TBC1D5: variants seen among roughly 807,000 people sequenced by gnomAD.
TBC1D5 encodes the protein TBC1 domain family member 5, also known as TBC1 domain family, member 5.
In TBC1D5, 75 loss-of-function variants were observed where a neutral mutation model predicts 100.3. The ratio of observed to expected loss-of-function variants is 0.75; its 90% CI spans 0.62 to 0.91. The LOEUF (loss-of-function observed/expected upper bound fraction) is 0.91, where lower values mean the gene tolerates loss of function less well. Ranked by LOEUF, TBC1D5 falls within the 40% of genes least tolerant of loss-of-function variation. TBC1D5 has a pLI of 0.00. For missense variants in TBC1D5, 910 were observed against 942.4 expected (o/e 0.97, Z 0.45); for synonymous variants, 323 against 325.6 (o/e 0.99, Z 0.09).
chr3:17,395,960 TTTATC>T (rs1203944329), intron 8 of TBC1D5, among the ~76,000 whole-genome samples: 1 of 152,100 alleles, frequency 6.6e-6, no homozygotes, highest in East Asian at 1.9e-4. Context: ...TTATTTTGCT[TTTATC>T]TTAAGTGTCA....
At chr3:17,340,501 T>C (rs1303552488) in intron 13 of TBC1D5, among the ~76,000 whole-genome samples, 2 of 152,158 alleles carry the variant, frequency 1.3e-5, no homozygotes, top group Admixed American at 6.5e-5. Flanking sequence ...CTGAGTGAGA[T>C]GTAAGATTTC....
chr3:17,452,820 C>G (rs2094958312), intron 3 of TBC1D5, among the ~76,000 whole-genome samples: 1 of 151,970 alleles, frequency 6.6e-6, no homozygotes, highest in Non-Finnish European at 1.5e-5. Context: ...ATGGACTCAA[C>G]AGATATTTAC....
intron 3 of TBC1D5, among the ~76,000 whole-genome samples, chr3:17,489,381 G>A (rs2095610349): frequency 6.6e-6 from 1 of 152,134 alleles, no homozygotes; most frequent in Admixed American, 6.5e-5. Context: ...GTGAGGGATT[G>A]TTCCATAAAC....
intron 15 of TBC1D5, among the ~76,000 whole-genome samples, chr3:17,258,952 TA>T (rs2078013754): frequency 6.6e-6 from 1 of 152,172 alleles, no homozygotes; most frequent in South Asian, 2.1e-4. Context: ...TGGAGAGACA[TA>T]AGGTGTCAAG....
At chr3:17,418,264 G>A (rs745860619) in intron 4 of TBC1D5, among the ~76,000 whole-genome samples, 21 of 152,122 alleles carry the variant, frequency 1.4e-4, no homozygotes, top group Non-Finnish European at 2.1e-4. Flanking sequence ...AATTTTGTGT[G>A]ATTTAAAGAT....
chr3:17,197,534 G>A (rs1477476547), intron 18 of TBC1D5, among the ~76,000 whole-genome samples: 1 of 152,072 alleles, frequency 6.6e-6, no homozygotes, highest in Non-Finnish European at 1.5e-5. Flanking sequence ...GTGCCACCAA[G>A]CCCAGCTAAT....
chr3:17,403,124 GA>G (rs2093687070), intron 8 of TBC1D5, 56 bp downstream of exon 8: 2 of 1,413,224 alleles, frequency 1.4e-6, no homozygotes, highest in Admixed American at 2.4e-5. Flanking sequence ...GTTAAAATTA[GA>G]AAGAGATAAC....
intron 15 of TBC1D5, among the ~76,000 whole-genome samples, chr3:17,268,187 A>C (rs370264451): frequency 2.8e-4 from 42 of 152,202 alleles, no homozygotes; most frequent in African/African-American, 9.4e-4. Context: ...AAAGAACACT[A>C]ATCTTAGATG....
chr3:17,448,160 A>G (rs185066854), intron 3 of TBC1D5, among the ~76,000 whole-genome samples: 89 of 152,278 alleles, frequency 5.8e-4, no homozygotes, highest in African/African-American at 2.1e-3. Context: ...CTCCTCATTC[A>G]TTACAGTTTT....
At chr3:17,185,300 A>C (rs2068905877) in intron 18 of TBC1D5, 92 bp from the exon 20 acceptor site, 1 of 979,278 alleles carries the variant, frequency 1.0e-6, no homozygotes, top group Admixed American at 2.4e-5. Context: ...AGTTTAAAGA[A>C]GCATGATACC....
intron 2 of TBC1D5, chr3:17,575,326 AT>A (rs1371149658): frequency 2.0e-5 from 3 of 151,774 alleles, no homozygotes; most frequent in African/African-American, 4.8e-5. Flanking sequence ...AAAAAAAAAA[AT>A]AAAATAAAAA....
chr3:17,664,015 A>G (rs1203358741), intron 1 of TBC1D5, among the ~76,000 whole-genome samples: 1 of 152,216 alleles, frequency 6.6e-6, no homozygotes. Context: ...GAATAAATGG[A>G]AAAATGCATT....
At chr3:17,165,762 T>A (rs559103945) in intron 21 of TBC1D5, among the ~76,000 whole-genome samples, 2 of 152,366 alleles carry the variant, frequency 1.3e-5, no homozygotes, top group East Asian at 1.9e-4. Flanking sequence ...AAGCTGATTT[T>A]AAAAATATTA....
chr3:17,454,540 AG>A (rs1462991541), intron 3 of TBC1D5, among the ~76,000 whole-genome samples: 1 of 151,896 alleles, frequency 6.6e-6, no homozygotes, highest in African/African-American at 2.4e-5. Context: ...GCTCACTGCA[AG>A]CTCCGCCTCC....
intron 1 of TBC1D5, among the ~76,000 whole-genome samples, chr3:17,625,290 TAAAGA>T (rs2062960660): frequency 1.3e-5 from 2 of 152,050 alleles, no homozygotes; most frequent in Non-Finnish European, 1.5e-5. Context: ...ACACTTTGAC[TAAAGA>T]AAATATACAT....
chr3:17,625,394 T>TA (rs1343460363), intron 1 of TBC1D5, among the ~76,000 whole-genome samples: 4 of 152,080 alleles, frequency 2.6e-5, no homozygotes, highest in African/African-American at 7.2e-5. Flanking sequence ...CACTGCCTGT[T>TA]ATTCTTACCA....
intron 18 of TBC1D5, among the ~76,000 whole-genome samples, chr3:17,200,146 C>G (rs550314759): frequency 6.6e-6 from 1 of 152,234 alleles, no homozygotes; most frequent in African/African-American, 2.4e-5. Context: ...CCAATTTGTT[C>G]TTGGCTTATT....
intron 3 of TBC1D5, among the ~76,000 whole-genome samples, chr3:17,502,746 AC>A (rs2095800643): frequency 6.7e-6 from 1 of 149,284 alleles, no homozygotes; most frequent in Non-Finnish European, 1.5e-5. Flanking sequence ...TCTGTACCAT[AC>A]AAAATTCTTT....
At chr3:17,665,526 T>C (rs2067167611) in intron 1 of TBC1D5, among the ~76,000 whole-genome samples, 1 of 152,220 alleles carries the variant, frequency 6.6e-6, no homozygotes, top group African/African-American at 2.4e-5. Flanking sequence ...CTAGCAAGTT[T>C]CTTAATACAC....
Sources: allele counts gnomAD v4.1 joint callset (sites outside exome capture counted in the v4.1 genomes callset), GRCh38; gene constraint gnomAD v4.1.1; transcripts MANE v1.5; gene names NCBI Gene and HGNC (gene_info 2026-07-23, HGNC 2026-07-21).